Variants in IYD observed in about 807,000 individuals in gnomAD.
IYD encodes iodotyrosine deiodinase, also known as iodotyrosine deiodinase 1.
A neutral mutation model predicts 28.4 loss-of-function variants in IYD; 25 were observed. That is an observed-to-expected ratio of 0.88 (90% CI 0.64 to 1.23). The LOEUF (loss-of-function observed/expected upper bound fraction) is 1.23, where lower values mean the gene tolerates loss of function less well. Among genes scored for constraint, IYD ranks in the 50% most tolerant of loss-of-function variants. IYD has a pLI of 0.00. For missense variants in IYD, 352 were observed against 357.9 expected, an observed-to-expected ratio of 0.98 and a Z score of 0.13; for synonymous variants, 140 against 130.8, an observed-to-expected ratio of 1.07 and a Z score of -0.48.
intron 3 of IYD, among the ~76,000 whole-genome samples, chr6:150,393,896 C>T (rs1778212761): frequency 2.0e-5 from 3 of 152,140 alleles, no homozygotes; most frequent in South Asian, 2.1e-4. Context: ...CCATACTAGG[C>T]ACTTATTAAG....
intron 4 of IYD, chr6:150,395,408 T>C: frequency 2.0e-6 from 3 of 1,537,156 alleles, no homozygotes; most frequent in Non-Finnish European, 2.6e-6. Flanking sequence ...TTGGAAAAAT[T>C]ATCCTGAAGG....
intron 1 of IYD, among the ~76,000 whole-genome samples, chr6:150,388,660 T>TTTCC (rs1554231491): frequency 8.0e-6 from 1 of 124,806 alleles, no homozygotes; most frequent in Non-Finnish European, 1.8e-5. Context: ...TCTTTCTTTC[T>TTTCC]TTCTTTCTTT....
rs1778427342 is a variant in IYD, at chr6:150,399,033, A to T, written c.*796A>T. On this transcript the variant is annotated 3_prime_UTR_variant, in exon 5 of 5. Coordinates refer to ENST00000344419, the MANE Select transcript of IYD (RefSeq NM_203395.3). ...ACTCCAGCCTGGGCAACAGAGCGAG[A>T]ACCTGTCTCAAAAAAAACAAAAACA... 6.6e-6 allele frequency: 1 copy of T among 152,338 alleles called. No individual in the cohort carries two copies. 9.4% of individuals were successfully genotyped at this position (152,338 alleles called of 1,614,324 possible).
chr6:150,387,513 A>G (rs1777919666), intron 1 of IYD, among the ~76,000 whole-genome samples: 1 of 151,786 alleles, frequency 6.6e-6, no homozygotes, highest in African/African-American at 2.4e-5. Context: ...AAAATCTCAG[A>G]TGCTATCTTT....
intron 1 of IYD, among the ~76,000 whole-genome samples, chr6:150,386,946 A>G (rs1777886169): frequency 6.6e-6 from 1 of 152,150 alleles, no homozygotes. Context: ...ATTCAATGCA[A>G]CTATTCTTGC....
At chr6:150,391,159 C>T (rs778585507) in intron 2 of IYD, among the ~76,000 whole-genome samples, 2 of 151,574 alleles carry the variant, frequency 1.3e-5, no homozygotes, top group African/African-American at 2.4e-5. Flanking sequence ...ATCGCTTGAA[C>T]CCGGGAGGTG....
At position 150,395,566 on chromosome 6, in the gene IYD, GGT is replaced by G. The variant is rs1285378877; in HGVS notation, c.687+1313_687+1314del. 2.0e-5 allele frequency: 31 copies of G among 1,536,926 alleles called. No individual in the cohort carries two copies. In the African/African-American group the frequency reaches 3.7e-4, roughly 18 times the overall value. On this transcript the variant is annotated intron_variant, in intron 4 of 4. Transcript: ENST00000344419. The stretch of plus-strand genomic sequence containing the variant: ...CAAGCTCAGCTCACAAGGCTGCCCA[GGT>G]GCCTCTGCAGCAGGCAGTCTTTTTC...
chr6:150,398,184 AC>A lies in IYD; in HGVS notation c.818del (p.Thr273ArgfsTer15). The A allele has an allele frequency of 1.2e-6, 2 of 1,614,176 alleles. No individual in the cohort carries two copies. Among genetic ancestry groups the A allele is most frequent in the Non-Finnish European group, 1.7e-6 (2 of 1,180,038 alleles). On this transcript the variant is annotated frameshift_variant, in exon 5 of 5. Transcript: ENST00000344419. LOFTEE classifies it high-confidence loss of function. ...LPVGYPSKEA[T>X]VPDLKRKPLD... is the part of the protein sequence containing the mutation. ...CGTGGGGTACCCCAGCAAGGAGGCCACGGTGCCTGACCTCAAGCGCAAACCT... is the reference window on the plus strand; with the variant it reads ...CGTGGGGTACCCCAGCAAGGAGGCCAGGTGCCTGACCTCAAGCGCAAACCT...
At position 150,383,488 on chromosome 6, in the gene IYD, A is replaced by T. The variant is rs570624229; in HGVS notation, c.179-5864A>T. Among the ~76,000 whole-genome samples the T allele has an allele frequency of 4.6e-5, 7 of 152,354 alleles. 1 individual carries two copies. The South Asian group carries it at 1.2e-3, about 27-fold the overall frequency. ...ATAACAGATGAGCATTCCAATGCATACAAGAAAATGTTTTAAAATATATCT... is the reference window on the plus strand; with the variant it reads ...ATAACAGATGAGCATTCCAATGCATTCAAGAAAATGTTTTAAAATATATCT... On this transcript the variant is annotated intron_variant, in intron 1 of 4. Coordinates refer to ENST00000344419, the MANE Select transcript of IYD (RefSeq NM_203395.3).
chr6:150,379,177 C>T (rs1322969241), intron 1 of IYD, among the ~76,000 whole-genome samples: 1 of 152,194 alleles, frequency 6.6e-6, no homozygotes, highest in East Asian at 1.9e-4. Context: ...AAGCCAGAAA[C>T]CTGGCATTGA....
chr6:150,369,724 A>G (rs1382141336), intron 1 of IYD, among the ~76,000 whole-genome samples: 2 of 152,138 alleles, frequency 1.3e-5, no homozygotes, highest in Non-Finnish European at 2.9e-5. Context: ...AAAGAGACAG[A>G]CCCGGTGGAA....
intron 1 of IYD, among the ~76,000 whole-genome samples, chr6:150,380,550 A>T (rs1294234659): frequency 6.6e-6 from 1 of 152,224 alleles, no homozygotes; most frequent in Non-Finnish European, 1.5e-5. Flanking sequence ...AACTAAAAAT[A>T]AGATTTAAAA....
chr6:150,382,514 T>G (rs1777683645), intron 1 of IYD, among the ~76,000 whole-genome samples: 1 of 152,164 alleles, frequency 6.6e-6, no homozygotes, highest in African/African-American at 2.4e-5. Flanking sequence ...TTGGAAAAAT[T>G]TCAGCCATTG....
chr6:150,402,957 T>G lies in IYD; in HGVS notation c.*4720T>G, dbSNP rs969459592. 2.0e-5 allele frequency: 3 copies of G among 152,034 alleles called. No homozygotes were observed. The highest frequency in any genetic ancestry group is 7.3e-5 in the African/African-American group (3 of 41,374). The allele number at this position is 152,034 out of a possible 1,614,324, so 9.4% of individuals were successfully genotyped here. On this transcript the variant is annotated 3_prime_UTR_variant, in exon 5 of 5. Coordinates refer to ENST00000344419, the MANE Select transcript of IYD (RefSeq NM_203395.3). Reference sequence around the variant, plus strand: ...ATAGTTTTCTCTATTTACTTTATTCTTGCTCTGTCACCCAGGCTAGAATGC... The same window carrying G: ...ATAGTTTTCTCTATTTACTTTATTCGTGCTCTGTCACCCAGGCTAGAATGC...
At chr6:150,381,420 T>C (rs567334870) in intron 1 of IYD, among the ~76,000 whole-genome samples, 1 of 152,314 alleles carries the variant, frequency 6.6e-6, no homozygotes, top group South Asian at 2.1e-4. Flanking sequence ...CTGATTCCTC[T>C]GGTAATTAAT....
intron 1 of IYD, among the ~76,000 whole-genome samples, chr6:150,371,708 G>A (rs1777247351): frequency 6.6e-6 from 1 of 152,226 alleles, no homozygotes; most frequent in African/African-American, 2.4e-5. Context: ...GAACAGGACA[G>A]CCTTAGTGTC....
At chr6:150,379,972 G>A (rs947513602) in intron 1 of IYD, among the ~76,000 whole-genome samples, 10 of 152,116 alleles carry the variant, frequency 6.6e-5, no homozygotes, top group African/African-American at 1.9e-4. Flanking sequence ...AATTTTGTAT[G>A]GCTTTTTCTC....
chr6:150,392,447 A>G lies in IYD; in HGVS notation c.473A>G (p.Glu158Gly). The change falls in exon 3 of 5, where the codon GAG becomes GGG. Residue 158 changes from glutamate to glycine, a missense_variant. Transcript: ENST00000344419. ...KIRKIIEEEE[E>G]INYMKRMGHR... is the part of the protein sequence containing the mutation. ...CGAAAGATCATTGAGGAGGAAGAGG[A>G]GATCAACTACATGAAAAGGATGGGA... 6.2e-7 allele frequency: 1 copy of G among 1,613,994 alleles called. No homozygotes were observed. The highest frequency in any genetic ancestry group is 8.5e-7 in the Non-Finnish European group (1 of 1,179,870).
intron 3 of IYD, among the ~76,000 whole-genome samples, chr6:150,392,851 G>A (rs1173400467): frequency 1.3e-5 from 2 of 152,130 alleles, no homozygotes; most frequent in Non-Finnish European, 2.9e-5. Flanking sequence ...GCAGGTTTTA[G>A]TTTTAGGACA....
Sources: allele counts gnomAD v4.1 joint callset (sites outside exome capture counted in the v4.1 genomes callset), GRCh38; gene constraint gnomAD v4.1.1; transcripts MANE v1.5; gene names NCBI Gene and HGNC (gene_info 2026-07-23, HGNC 2026-07-21).